The following ST6GALNAC3 variants were observed in gnomAD, a reference collection of about 807,000 sequenced individuals.
ST6GALNAC3 encodes the protein ST6 N-acetylgalactosaminide alpha-2,6-sialyltransferase 3, also known as alpha-N-acetylgalactosaminide alpha-2,6-sialyltransferase 3.
A neutral mutation model predicts 32.7 loss-of-function variants in ST6GALNAC3; 25 were observed. The observed-to-expected ratio is 0.76, with a 90% CI of 0.56 to 1.07. The LOEUF is 1.07. ST6GALNAC3 is among the 50% of genes least tolerant of loss of function. The pLI, the probability that ST6GALNAC3 is intolerant of heterozygous loss-of-function variation, is 0.00. For synonymous variants in ST6GALNAC3, 129 were observed against 133.1 expected (o/e 0.97, Z 0.21); for missense variants, 355 against 382.4 (o/e 0.93, Z 0.60).
chr1:76,379,356 G>A (rs1447480144), intron 2 of ST6GALNAC3, among the ~76,000 whole-genome samples: 2 of 151,750 alleles, frequency 1.3e-5, no homozygotes, highest in Non-Finnish European at 2.9e-5. Flanking sequence ...CGGCAAACTC[G>A]CCTAAATCTC....
rs1055539920 is a variant in ST6GALNAC3, at chr1:76,409,713, G to C, written c.214-2295G>C. Among the ~76,000 whole-genome samples, 5 of 151,952 alleles carry C rather than the reference G, an allele frequency of 3.3e-5. 1 individual carries two copies. The highest frequency in any genetic ancestry group is 2.6e-4 in the Admixed American group (4 of 15,248). On this transcript the variant is annotated intron_variant, in intron 2 of 4. Transcript: ENST00000328299. ...TAAGTAAGAAACCAAGGTGGCCAAA[G>C]AATATAAATGGCATTTCTCAACCTG... is the stretch of plus-strand genomic sequence containing the variant.
At chr1:76,361,773 G>T (rs1002523383) in intron 2 of ST6GALNAC3, among the ~76,000 whole-genome samples, 9 of 152,026 alleles carry the variant, frequency 5.9e-5, no homozygotes, top group South Asian at 2.1e-4. Flanking sequence ...GAGGTCAGGG[G>T]TTTGAGACCA....
rs560538395 is a variant in ST6GALNAC3 at position 76,202,545 on chromosome 1, T to G, written c.19-111260T>G. On this transcript the variant is annotated intron_variant, in intron 1 of 4. Coordinates refer to ENST00000328299, the MANE Select transcript of ST6GALNAC3 (RefSeq NM_152996.4). ...TCATGGCTCTTGGGAAACCCTGCAG[T>G]AGGAACAGATGAATGTGTGTATAAG... Among the ~76,000 whole-genome samples the G allele has an allele frequency of 4.6e-5, 7 of 152,028 alleles. 1 individual carries two copies. The South Asian group carries it at 1.0e-3, about 23-fold the overall frequency.
chr1:76,502,703 G>A (rs143080918), intron 3 of ST6GALNAC3, among the ~76,000 whole-genome samples: 90 of 152,066 alleles, frequency 5.9e-4, no homozygotes, highest in African/African-American at 2.1e-3. Flanking sequence ...GAAGTTGGGG[G>A]GTAAGTATTT....
intron 2 of ST6GALNAC3, among the ~76,000 whole-genome samples, chr1:76,386,393 T>C (rs1224416451): frequency 6.6e-6 from 1 of 151,696 alleles, no homozygotes; most frequent in Non-Finnish European, 1.5e-5. Context: ...ATGTGCCTGG[T>C]ACATGTATTA....
At chr1:76,398,503 A>G (rs1653157421) in intron 2 of ST6GALNAC3, among the ~76,000 whole-genome samples, 1 of 152,162 alleles carries the variant, frequency 6.6e-6, no homozygotes. Context: ...AGAGTGTTAT[A>G]TAAATCAAAT....
At chr1:76,530,015 A>G (rs1663156344) in intron 3 of ST6GALNAC3, among the ~76,000 whole-genome samples, 1 of 152,218 alleles carries the variant, frequency 6.6e-6, no homozygotes, top group African/African-American at 2.4e-5. Context: ...GAGAGCGTTA[A>G]TAAATAAGAT....
chr1:76,348,995 T>G (rs960703733), intron 2 of ST6GALNAC3, among the ~76,000 whole-genome samples: 5 of 152,176 alleles, frequency 3.3e-5, no homozygotes, highest in Non-Finnish European at 7.3e-5. Context: ...ATGTACATAG[T>G]AAAGAATCTA....
intron 3 of ST6GALNAC3, among the ~76,000 whole-genome samples, chr1:76,608,983 G>A (rs142226685): frequency 6.6e-6 from 1 of 152,250 alleles, no homozygotes; most frequent in Admixed American, 6.5e-5. Context: ...TATTATGAAT[G>A]TAGGATTATT....
intron 1 of ST6GALNAC3, among the ~76,000 whole-genome samples, chr1:76,101,956 A>G (rs1401857442): frequency 6.6e-6 from 1 of 151,940 alleles, no homozygotes; most frequent in Non-Finnish European, 1.5e-5. Context: ...TATATCCTCT[A>G]TTTGTTGAGT....
At chr1:76,353,937 AG>A (rs1369244289) in intron 2 of ST6GALNAC3, 1 of 179,432 alleles carries the variant, frequency 5.6e-6, no homozygotes, top group African/African-American at 2.4e-5. Flanking sequence ...TGAAAGCCCC[AG>A]GGATTCTAAA....
At chr1:76,398,078 T>A (rs1653116706) in intron 2 of ST6GALNAC3, among the ~76,000 whole-genome samples, 1 of 152,178 alleles carries the variant, frequency 6.6e-6, no homozygotes. Flanking sequence ...TTGGTTCCAG[T>A]CCTAGTAAGA....
At chr1:76,587,961 C>G (rs933141956) in intron 3 of ST6GALNAC3, among the ~76,000 whole-genome samples, 2 of 152,170 alleles carry the variant, frequency 1.3e-5, no homozygotes, top group Non-Finnish European at 2.9e-5. Flanking sequence ...ACTAGGGGAC[C>G]TATCCCTGGG....
chr1:76,359,473 G>C (rs1052833269), intron 2 of ST6GALNAC3, among the ~76,000 whole-genome samples: 1 of 152,142 alleles, frequency 6.6e-6, no homozygotes, highest in Non-Finnish European at 1.5e-5. Flanking sequence ...GAAGACTGGG[G>C]TTATGTTTCC....
rs184761538 is a variant in ST6GALNAC3, at chr1:76,527,859, G to A, written c.624-99593G>A. Among the ~76,000 whole-genome samples, 51 of 152,184 alleles carry A rather than the reference G, an allele frequency of 3.4e-4. 1 individual carries two copies. The East Asian group carries it at 9.7e-3, about 29-fold the overall frequency. ...GATTGTCCCACATAAACTATAGGGA[G>A]GATAACGTCTCCAAAAGAAGAAAGA... On this transcript the variant is annotated intron_variant, in intron 3 of 4. Transcript: ENST00000328299.
In ST6GALNAC3 at chr1:76,163,895, C is replaced by T. The variant is rs374343798; in HGVS notation, c.18+89011C>T. On this transcript the variant is annotated intron_variant, in intron 1 of 4. Transcript: ENST00000328299. Reference sequence around the variant, plus strand: ...TAACTGCCAAAGTTAAAAACTGTTACGGCCGACATGCATGCCAGAACTCAA... The same window carrying T: ...TAACTGCCAAAGTTAAAAACTGTTATGGCCGACATGCATGCCAGAACTCAA... Among the ~76,000 whole-genome samples, 62 of 152,274 alleles carry T rather than the reference C, an allele frequency of 4.1e-4. No individual in the cohort carries two copies. The South Asian group carries it at 5.6e-3, about 14-fold the overall frequency.
intron 1 of ST6GALNAC3, among the ~76,000 whole-genome samples, chr1:76,291,434 A>C (rs947990411): frequency 6.6e-6 from 1 of 152,224 alleles, no homozygotes; most frequent in African/African-American, 2.4e-5. Context: ...TCGCTGCCCC[A>C]GCCCAGCCGG....
intron 1 of ST6GALNAC3, among the ~76,000 whole-genome samples, chr1:76,304,755 G>C (rs948083228): frequency 2.6e-5 from 4 of 151,998 alleles, no homozygotes; most frequent in Non-Finnish European, 5.9e-5. Context: ...CATTATCATC[G>C]TAGTCATTTT....
intron 2 of ST6GALNAC3, among the ~76,000 whole-genome samples, chr1:76,357,106 A>G (rs1055780575): frequency 1.6e-4 from 20 of 128,380 alleles, no homozygotes; most frequent in Non-Finnish European, 2.5e-4. Context: ...GCTTAATGCT[A>G]GTTTTCTTTT....
Sources: gnomAD v4.1 joint callset for allele counts (sites outside exome capture counted in the v4.1 genomes callset) on GRCh38, gnomAD v4.1.1 for gene constraint, MANE v1.5 for transcripts, NCBI Gene and HGNC (gene_info 2026-07-23, HGNC 2026-07-21) for gene names.